RUNX1T1: variants seen among roughly 807,000 people sequenced by gnomAD.
The protein encoded by RUNX1T1 is protein CBFA2T1.
RUNX1T1 carries 4 observed loss-of-function variants against 62.8 expected under a neutral mutation model. The ratio of observed to expected loss-of-function variants is 0.06; its 90% CI spans 0.03 to 0.15. The LOEUF is 0.15. RUNX1T1 is among the 10% of genes least tolerant of loss of function. The pLI is 1.00. For missense variants in RUNX1T1, 508 were observed against 754.3 expected (o/e 0.67, Z 3.82); for synonymous variants, 291 against 286.0 (o/e 1.02, Z -0.18).
At chr8:91,964,337 CT>C (rs1342413873) in intron 10 of RUNX1T1, among the ~76,000 whole-genome samples, 1 of 152,144 alleles carries the variant, frequency 6.6e-6, no homozygotes, top group African/African-American at 2.4e-5. Flanking sequence ...CTCTGAACTG[CT>C]TTAAGTCTCT....
At chr8:92,041,067 A>T (rs1344824468) in intron 1 of RUNX1T1, among the ~76,000 whole-genome samples, 1 of 152,210 alleles carries the variant, frequency 6.6e-6, no homozygotes, top group Non-Finnish European at 1.5e-5. Context: ...AGTGCCAGTT[A>T]TCTTGCTAAG....
At chr8:92,034,400 C>T (rs932818739) in intron 1 of RUNX1T1, among the ~76,000 whole-genome samples, 1 of 152,030 alleles carries the variant, frequency 6.6e-6, no homozygotes, top group African/African-American at 2.4e-5. Flanking sequence ...GGAACCCACC[C>T]CATAAAGCAG....
chr8:92,032,266 T>C (rs1587158974), intron 1 of RUNX1T1, among the ~76,000 whole-genome samples: 2 of 151,580 alleles, frequency 1.3e-5, no homozygotes, highest in South Asian at 2.1e-4. Context: ...TTTCTCATAG[T>C]AGTGAGAAAA....
chr8:92,050,934 C>T (rs1446306095), intron 1 of RUNX1T1, among the ~76,000 whole-genome samples: 2 of 152,126 alleles, frequency 1.3e-5, no homozygotes, highest in Non-Finnish European at 1.5e-5. Flanking sequence ...CAAGGCTTTA[C>T]GGTTGCTATT....
In RUNX1T1 at chr8:92,095,641, G is replaced by GACAGGCAGGAGGGAAGGAGAGAC. The variant is rs375449197; in HGVS notation, c.-86+3916_-86+3938dup. ...GAGAGAGAGAGAGAAGACAGAAAGG[G>GACAGGCAGGAGGGAAGGAGAGAC]ACAGGCAGGAGGGAAGGAGAGACAC... On this transcript the variant is annotated intron_variant, in intron 1 of 11. Coordinates refer to the RUNX1T1 transcript ENST00000265814. 32 of 1,273,546 alleles carry GACAGGCAGGAGGGAAGGAGAGAC rather than the reference G, an allele frequency of 2.5e-5. 3 individuals carry two copies. The South Asian group carries it at 3.9e-4, about 15-fold the overall frequency. 78.9% of individuals were successfully genotyped at this position (1,273,546 alleles called of 1,614,324 possible).
At chr8:92,070,758 A>G (rs1833549993) in intron 2 of RUNX1T1, among the ~76,000 whole-genome samples, 1 of 152,272 alleles carries the variant, frequency 6.6e-6, no homozygotes, top group South Asian at 2.1e-4. Flanking sequence ...CTCTCTTTAC[A>G]TGCCCATAAC....
intron 7 of RUNX1T1, 53 bp from the exon 9 acceptor site, chr8:91,986,378 G>T: frequency 1.4e-6 from 2 of 1,415,822 alleles, no homozygotes; most frequent in Non-Finnish European, 2.0e-6. Context: ...CACAATTAAA[G>T]ATTTTGCTGA....
At chr8:92,057,194 G>T (rs964359829) in intron 1 of RUNX1T1, among the ~76,000 whole-genome samples, 1 of 152,200 alleles carries the variant, frequency 6.6e-6, no homozygotes, top group Non-Finnish European at 1.5e-5. Flanking sequence ...TCAGCAAAAA[G>T]AACTCTACCT....
chr8:91,988,687 C>T (rs1817053676), intron 6 of RUNX1T1, among the ~76,000 whole-genome samples: 1 of 151,990 alleles, frequency 6.6e-6, no homozygotes, highest in Admixed American at 6.5e-5. Flanking sequence ...TCAATAATGA[C>T]ACAAGCTGTA....
upstream of RUNX1T1, among the ~76,000 whole-genome samples, chr8:92,101,171 A>G (rs1420416433): frequency 6.6e-6 from 1 of 152,220 alleles, no homozygotes; most frequent in Non-Finnish European, 1.5e-5. Context: ...GGAGAGGGAA[A>G]AAAATCCCTG....
intron 1 of RUNX1T1, among the ~76,000 whole-genome samples, chr8:92,087,767 G>A (rs1587572031): frequency 6.6e-6 from 1 of 152,160 alleles, no homozygotes; most frequent in African/African-American, 2.4e-5. Flanking sequence ...TGTAAAAGGT[G>A]TCTTTACCAT....
At chr8:92,013,504 A>G (rs1208762476) in intron 3 of RUNX1T1, among the ~76,000 whole-genome samples, 1 of 152,214 alleles carries the variant, frequency 6.6e-6, no homozygotes, top group Non-Finnish European at 1.5e-5. Flanking sequence ...TTTGCCCCTG[A>G]TAGGTCCATA....
intron 10 of RUNX1T1, among the ~76,000 whole-genome samples, chr8:91,967,821 G>A (rs1000817942): frequency 6.6e-6 from 1 of 152,060 alleles, no homozygotes; most frequent in African/African-American, 2.4e-5. Flanking sequence ...ACCTGACCTA[G>A]GTAAGAGATG....
rs374665562 is a variant in RUNX1T1 at position 92,090,888 on chromosome 8, T to C, written c.-86+8692A>G. On this transcript the variant is annotated intron_variant, in intron 1 of 11. Transcript: ENST00000265814. ...TGAAATGAAGAAAGTGAAACACTGG[T>C]TAATCAATTACTTAAAATCAGTGAT... Among the ~76,000 whole-genome samples the C allele has an allele frequency of 3.9e-5, 6 of 152,302 alleles. No individual in the cohort carries two copies. In the South Asian group the frequency reaches 8.3e-4, roughly 21 times the overall value.
intron 3 of RUNX1T1, among the ~76,000 whole-genome samples, chr8:92,014,207 C>T (rs1315703597): frequency 1.3e-5 from 2 of 151,854 alleles, no homozygotes; most frequent in African/African-American, 2.4e-5. Flanking sequence ...ATAACAAAAC[C>T]ATTTTGTCAT....
At chr8:92,063,657 C>G (rs1832420798), upstream of RUNX1T1, 3 of 152,212 alleles carry the variant, frequency 2.0e-5, no homozygotes, top group South Asian at 6.2e-4. Flanking sequence ...TAAAACATCC[C>G]TGCCTCATAG....
At chr8:92,057,152 A>G (rs1451737760) in intron 1 of RUNX1T1, among the ~76,000 whole-genome samples, 1 of 152,208 alleles carries the variant, frequency 6.6e-6, no homozygotes, top group African/African-American at 2.4e-5. Flanking sequence ...ATTCTTGATG[A>G]TGAAGGCTAA....
chr8:91,969,646 A>G (rs2920471), intron 10 of RUNX1T1, among the ~76,000 whole-genome samples: 111,739 of 152,036 alleles, frequency 0.73, 41,811 homozygotes, highest in East Asian at 0.99. Flanking sequence ...TTGAAAATCA[A>G]TTCCTTTTGT....
At chr8:92,087,754 T>G (rs529697106) in intron 1 of RUNX1T1, among the ~76,000 whole-genome samples, 1 of 152,348 alleles carries the variant, frequency 6.6e-6, no homozygotes, top group South Asian at 2.1e-4. Flanking sequence ...TTCTATCAGA[T>G]GCTGTAAAAG....
Sources: gnomAD v4.1 joint callset for allele counts (sites outside exome capture counted in the v4.1 genomes callset) on GRCh38, gnomAD v4.1.1 for gene constraint, MANE v1.5 for transcripts, NCBI Gene and HGNC (gene_info 2026-07-23, HGNC 2026-07-21) for gene names.